Variants in FAM131C observed in about 807,000 individuals in gnomAD.
The protein encoded by FAM131C is protein FAM131C.
Under a neutral mutation model 29.8 loss-of-function variants are expected in FAM131C, and 14 were observed. That is an observed-to-expected ratio of 0.47 (90% CI 0.31 to 0.73). The LOEUF (loss-of-function observed/expected upper bound fraction) is 0.73, where lower values mean the gene tolerates loss of function less well. FAM131C is among the 30% of genes least tolerant of loss of function. FAM131C has a pLI of 0.05. For missense variants in FAM131C, 252 were observed against 383.8 expected, an observed-to-expected ratio of 0.66 and a Z score of 2.87; for synonymous variants, 86 against 157.8, an observed-to-expected ratio of 0.54 and a Z score of 3.41.
At chr1:16,072,897 G>A (rs1418626784) in intron 1 of FAM131C, among the ~76,000 whole-genome samples, 1 of 152,034 alleles carries the variant, frequency 6.6e-6, no homozygotes, top group African/African-American at 2.4e-5. Context: ...GGGGGCAGGG[G>A]AACCTTCTTT....
chr1:16,067,783 T>C (rs1349514346), intron 1 of FAM131C, among the ~76,000 whole-genome samples: 1 of 152,170 alleles, frequency 6.6e-6, no homozygotes, highest in Non-Finnish European at 1.5e-5. Context: ...CTTCTCTACT[T>C]GATCCTTGGG....
Position 16,062,390 on chromosome 1 carries a change from C to CA in FAM131C, c.174+108_174+109insT, listed in dbSNP as rs1553129302. ...CCACTGTTTCATCAGGCCCCCCCCC[C>CA]CCCCGCCCCAGGGCCAGCAGGACTG... On this transcript the variant is annotated intron_variant, in intron 3 of 6. Coordinates refer to ENST00000375662, the MANE Select transcript of FAM131C (RefSeq NM_182623.3). 9.5e-6 allele frequency: 12 copies of CA among 1,263,908 alleles called. No homozygotes were observed. The Admixed American group carries it at 1.1e-4, about 12-fold the overall frequency. The allele number at this position is 1,263,908 out of a possible 1,614,324, so 78.3% of individuals were successfully genotyped here.
intron 3 of FAM131C, 119 bp downstream of exon 3, chr1:16,062,380 G>GCCA (rs2023611331): frequency 1.3e-6 from 1 of 788,726 alleles, no homozygotes; most frequent in African/African-American, 3.1e-5. Context: ...GTTTCATCAG[G>GCCA]CCCCCCCCCC....
chr1:16,062,042 G>A, intron 4 of FAM131C, 57 bp downstream of exon 4: 1 of 1,557,440 alleles, frequency 6.4e-7, no homozygotes, highest in Non-Finnish European at 8.8e-7. Context: ...CCACAGCCAG[G>A]GTCTAGGGTG....
chr1:16,066,971 C>G (rs535833367), intron 1 of FAM131C, among the ~76,000 whole-genome samples: 26 of 152,294 alleles, frequency 1.7e-4, no homozygotes, highest in Non-Finnish European at 2.5e-4. Context: ...TCCCCTGAAG[C>G]TTTTTTACAA....
At chr1:16,073,248 C>T (rs1430599789) in intron 1 of FAM131C, among the ~76,000 whole-genome samples, 173 bp downstream of exon 1, 1 of 152,068 alleles carries the variant, frequency 6.6e-6, no homozygotes, top group African/African-American at 2.4e-5. Context: ...CTCTGCGCTG[C>T]CCCCGCCCCC....
At chr1:16,063,448 C>G in intron 2 of FAM131C, 73 bp downstream of exon 2, 6 of 1,178,378 alleles carry the variant, frequency 5.1e-6, no homozygotes, top group Non-Finnish European at 7.6e-6. Flanking sequence ...GGAATGGATT[C>G]TGCTCCCTGC....
rs148574908 is a variant in FAM131C, at chr1:16,058,726, G to C, written c.563-9C>G. 10,647 of 1,580,962 alleles carry C rather than the reference G, an allele frequency of 6.7e-3. 45 individuals carry two copies. The African/African-American group carries it at 0.12, about 18-fold the overall frequency. On this transcript the variant is annotated splice_polypyrimidine_tract_variant and intron_variant, in intron 6 of 6. Transcript: ENST00000375662. Reference sequence around the variant, plus strand: ...GTAGATGCTCTCCAGATCTGGAAAAGCAAGGGGGTGATGGGGGAATGGCGT... The same window carrying C: ...GTAGATGCTCTCCAGATCTGGAAAACCAAGGGGGTGATGGGGGAATGGCGT...
chr1:16,073,362 G>T, intron 1 of FAM131C, 59 bp downstream of exon 1: 7 of 1,002,836 alleles, frequency 7.0e-6, no homozygotes, highest in Non-Finnish European at 8.9e-6. Context: ...TCCGAGCGGC[G>T]AGGGGACTGC....
intron 1 of FAM131C, among the ~76,000 whole-genome samples, chr1:16,067,700 G>C (rs953185308): frequency 1.3e-5 from 2 of 152,176 alleles, no homozygotes; most frequent in African/African-American, 4.8e-5. Flanking sequence ...CTGCTTTAGA[G>C]TCTAACCTCC....
intron 1 of FAM131C, among the ~76,000 whole-genome samples, chr1:16,071,101 A>T (rs2023744051): frequency 6.6e-6 from 1 of 152,244 alleles, no homozygotes; most frequent in African/African-American, 2.4e-5. Flanking sequence ...CTTCTGTAGC[A>T]GTGCCTACCT....
At chr1:16,061,598 G>A (rs1297081298) in intron 4 of FAM131C, among the ~76,000 whole-genome samples, 1 of 152,280 alleles carries the variant, frequency 6.6e-6, no homozygotes, top group Non-Finnish European at 1.5e-5. Flanking sequence ...CTTGCCTTGG[G>A]GTGTCATCAA....
chr1:16,064,151 C>G (rs1351954091), intron 1 of FAM131C, among the ~76,000 whole-genome samples: 1 of 152,014 alleles, frequency 6.6e-6, no homozygotes, highest in South Asian at 2.1e-4. Context: ...CTGCCCGGAT[C>G]CTTCTCTGTT....
rs573945567 is a variant in FAM131C, at chr1:16,058,284, T to C, written c.*153A>G. 1.9e-4 allele frequency: 117 copies of C among 614,736 alleles called. No individual in the cohort carries two copies. The highest frequency in any genetic ancestry group is 2.6e-4 in the Non-Finnish European group (102 of 396,576). The allele number at this position is 614,736 out of a possible 1,614,324, so 38.1% of individuals were successfully genotyped here. ...CCACCGAGGCACAGAGAGGCCACCA[T>C]GAGCACTGGCCCCATCCCTGCCGCA... On this transcript the variant is annotated 3_prime_UTR_variant, in exon 7 of 7. Transcript: ENST00000375662.
At chr1:16,073,008 G>A (rs1346485661) in intron 1 of FAM131C, among the ~76,000 whole-genome samples, 1 of 151,988 alleles carries the variant, frequency 6.6e-6, no homozygotes, top group East Asian at 1.9e-4. Context: ...GTGGGGGTGA[G>A]CTGGTAAGAC....
intron 1 of FAM131C, 57 bp downstream of exon 1, chr1:16,073,364 G>T: frequency 9.8e-7 from 1 of 1,023,518 alleles, no homozygotes; most frequent in Non-Finnish European, 1.2e-6. Flanking sequence ...CGAGCGGCGA[G>T]GGGACTGCGC....
intron 1 of FAM131C, among the ~76,000 whole-genome samples, chr1:16,065,625 C>T (rs1355836149): frequency 1.3e-5 from 2 of 152,312 alleles, no homozygotes; most frequent in African/African-American, 4.8e-5. Context: ...AGAGTGGCCC[C>T]AAGCCAATGA....
intron 1 of FAM131C, among the ~76,000 whole-genome samples, chr1:16,067,006 G>A (rs575338501): frequency 2.6e-5 from 4 of 152,316 alleles, no homozygotes; most frequent in African/African-American, 7.2e-5. Flanking sequence ...ACCAGGGAGC[G>A]AGGTTGATGG....
intron 5 of FAM131C, 76 bp downstream of exon 5, chr1:16,059,777 TCCTGCCCAGACAATGC>T: frequency 1.6e-6 from 2 of 1,285,894 alleles, no homozygotes; most frequent in Middle Eastern, 2.7e-4. Flanking sequence ...CATTATTTTT[TCCTGCCCAGACAATGC>T]CCATGCAGTG....
Sources: allele counts gnomAD v4.1 joint callset (sites outside exome capture counted in the v4.1 genomes callset), GRCh38; gene constraint gnomAD v4.1.1; transcripts MANE v1.5; gene names NCBI Gene and HGNC (gene_info 2026-07-23, HGNC 2026-07-21).